SH3YL1: variants seen among roughly 807,000 people sequenced by gnomAD.
SH3YL1 encodes the protein SH3 domain-containing YSC84-like protein 1.
In SH3YL1, 41 loss-of-function variants were observed where a neutral mutation model predicts 45.8. The observed-to-expected ratio is 0.89, with a 90% CI of 0.70 to 1.16. SH3YL1 has a LOEUF of 1.16. Ranked by LOEUF, SH3YL1 falls within the 50% of genes most tolerant of loss-of-function variation. The pLI is 0.00. For synonymous variants in SH3YL1, 152 were observed against 151.4 expected (o/e 1.00, Z -0.03); for missense variants, 389 against 409.6 (o/e 0.95, Z 0.43).
At chr2:261,180 A>G (rs1669575263) in intron 1 of SH3YL1, 1 of 152,248 alleles carries the variant, frequency 6.6e-6, no homozygotes, top group Non-Finnish European at 1.5e-5. Flanking sequence ...ATAAGCCTCA[A>G]ATCCCATCCT....
chr2:259,073 C>T (rs1669479575), intron 1 of SH3YL1, among the ~76,000 whole-genome samples: 1 of 152,180 alleles, frequency 6.6e-6, no homozygotes, highest in African/African-American at 2.4e-5. Flanking sequence ...GGAAGTGCTC[C>T]AGGCAGAAAA....
chr2:236,959 G>A (rs1039120534), intron 4 of SH3YL1, among the ~76,000 whole-genome samples: 4 of 152,130 alleles, frequency 2.6e-5, no homozygotes, highest in African/African-American at 9.7e-5. Flanking sequence ...TCAGCTTGAC[G>A]CTTGCCAACT....
chr2:228,133 GGA>G lies in SH3YL1; in HGVS notation c.781+1831_781+1832del, dbSNP rs1317486619. 3.9e-5 allele frequency among the ~76,000 whole-genome samples: 6 copies of G among 152,312 alleles called. No homozygotes were observed. The South Asian group carries it at 6.2e-4, about 16-fold the overall frequency. On this transcript the variant is annotated intron_variant, in intron 8 of 9. Coordinates refer to ENST00000356150, the MANE Select transcript of SH3YL1 (RefSeq NM_015677.4). ...CCACAAAGGATGAAGCTGAAAAGGT[GGA>G]GGGAGGAGGAGTGTTCACGAGTGTG...
intron 4 of SH3YL1, chr2:242,785 G>C (rs563258785): frequency 6.5e-7 from 1 of 1,537,204 alleles, no homozygotes; most frequent in African/African-American, 1.4e-5. Context: ...ACACGCTTTA[G>C]ATTCAAAGTT....
rs1382618783 is a variant in SH3YL1 at position 218,788 on chromosome 2, CA to C, written c.*22del. 11 of 1,516,302 alleles carry C rather than the reference CA, an allele frequency of 7.3e-6. No individual in the cohort carries two copies. The highest frequency in any genetic ancestry group is 9.8e-6 in the Non-Finnish European group (11 of 1,126,782). 93.9% of individuals were successfully genotyped at this position (1,516,302 alleles called of 1,614,324 possible). A position where few individuals can be genotyped will look rare whatever the true frequency, so the allele number is the denominator to read the frequency against. On this transcript the variant is annotated 3_prime_UTR_variant, in exon 10 of 10. Coordinates refer to ENST00000356150, the MANE Select transcript of SH3YL1 (RefSeq NM_015677.4). ...GTAGAAATAATTTTTTTGTAATTCT[CA>C]AAGAAGAAAATAGTATACGCTTTAA...
intron 4 of SH3YL1, among the ~76,000 whole-genome samples, chr2:238,493 T>C (rs1668403979): frequency 6.6e-6 from 1 of 152,106 alleles, no homozygotes; most frequent in South Asian, 2.1e-4. Context: ...TTCAGTAAAG[T>C]GAAAGGGCCC....
chr2:258,077 C>G (rs1009156946), intron 1 of SH3YL1, among the ~76,000 whole-genome samples: 18 of 152,144 alleles, frequency 1.2e-4, no homozygotes, highest in Non-Finnish European at 1.5e-5. Context: ...AGTTTGAAGT[C>G]GGGTAGCATG....
chr2:232,659 T>C (rs1253405986), intron 6 of SH3YL1, among the ~76,000 whole-genome samples: 1 of 152,088 alleles, frequency 6.6e-6, no homozygotes, highest in Non-Finnish European at 1.5e-5. Flanking sequence ...GTTCTCATTG[T>C]TCAATTCCCA....
intron 1 of SH3YL1, chr2:256,109 C>T: frequency 6.6e-6 from 1 of 152,342 alleles, no homozygotes; most frequent in Non-Finnish European, 1.5e-5. Flanking sequence ...CAGGTTAGTG[C>T]CAATCTGATT....
At position 253,097 on chromosome 2, in the gene SH3YL1, G is replaced by C. The variant is rs1669144664; in HGVS notation, c.20C>G (p.Ser7Cys). ...CTTTTTTGCTTCTGATTTCAAATTGGAAGGTATAGGGTTATTCACTGAAAC... is the reference window on the plus strand; with the variant it reads ...CTTTTTTGCTTCTGATTTCAAATTGCAAGGTATAGGGTTATTCACTGAAAC... Reference protein sequence around the residue: MNNPIPSNLKSEAKKAA... With the variant: MNNPIPCNLKSEAKKAA... The change falls in exon 2 of 10, where the codon TCC becomes TGC. Residue 7 changes from serine (S) to cysteine (C), a missense_variant. Ser to Cys is a moderately radical substitution (Grantham distance 112). Transcript: ENST00000356150. 1.3e-6 allele frequency: 2 copies of C among 1,538,928 alleles called. No individual in the cohort carries two copies. Among genetic ancestry groups the C allele is most frequent in the Non-Finnish European group, 1.8e-6 (2 of 1,135,900 alleles).
At chr2:242,431 A>T (rs1668583721) in intron 4 of SH3YL1, among the ~76,000 whole-genome samples, 1 of 152,078 alleles carries the variant, frequency 6.6e-6, no homozygotes, top group Admixed American at 6.5e-5. Flanking sequence ...TTTGTATCTT[A>T]TTAAATCAAG....
At position 227,937 on chromosome 2, in the gene SH3YL1, C is replaced by T. The variant is rs192891948; in HGVS notation, c.781+2029G>A. Among the ~76,000 whole-genome samples, 46 of 152,054 alleles carry T rather than the reference C, an allele frequency of 3.0e-4. 1 individual carries two copies. The East Asian group carries it at 7.7e-3, about 26-fold the overall frequency. On this transcript the variant is annotated intron_variant, in intron 8 of 9. Coordinates refer to ENST00000356150, the MANE Select transcript of SH3YL1 (RefSeq NM_015677.4). The stretch of plus-strand genomic sequence containing the variant: ...AGGATATGTAAATAAATTGAAAATA[C>T]TTAGTTTTTAAATAAAGAACTTAAG...
intron 1 of SH3YL1, 137 bp downstream of exon 1, chr2:263,847 G>C: frequency 4.3e-6 from 3 of 691,580 alleles, no homozygotes; most frequent in Non-Finnish European, 5.1e-6. Context: ...TCTTAACTTT[G>C]GGCGGTTTGC....
At chr2:245,359 T>A (rs1668751666) in intron 4 of SH3YL1, among the ~76,000 whole-genome samples, 1 of 152,186 alleles carries the variant, frequency 6.6e-6, no homozygotes, top group Non-Finnish European at 1.5e-5. Flanking sequence ...ATAGTTAATT[T>A]CCATACTGTC....
intron 8 of SH3YL1, among the ~76,000 whole-genome samples, chr2:229,210 G>T (rs542678811): frequency 6.6e-6 from 1 of 152,026 alleles, no homozygotes; most frequent in Admixed American, 6.6e-5. Context: ...ACCAAAACCT[G>T]GTGCTTTATA....
chr2:242,754 C>A, intron 4 of SH3YL1: 1 of 1,476,072 alleles, frequency 6.8e-7, no homozygotes, highest in Non-Finnish European at 9.0e-7. Context: ...CAACAACATC[C>A]AATTATATGC....
At chr2:254,023 T>C (rs931569687) in intron 1 of SH3YL1, among the ~76,000 whole-genome samples, 4 of 152,218 alleles carry the variant, frequency 2.6e-5, no homozygotes, top group Non-Finnish European at 4.4e-5. Flanking sequence ...CTCCCTGTTA[T>C]GTATCTTCTT....
intron 9 of SH3YL1, among the ~76,000 whole-genome samples, chr2:221,076 G>A (rs1667552822): frequency 6.6e-6 from 1 of 152,020 alleles, no homozygotes; most frequent in Non-Finnish European, 1.5e-5. Context: ...ACTGCAATGA[G>A]CCAGCTACTC....
At chr2:238,631 T>C (rs1219182748) in intron 4 of SH3YL1, among the ~76,000 whole-genome samples, 2 of 152,190 alleles carry the variant, frequency 1.3e-5, no homozygotes, top group Non-Finnish European at 1.5e-5. Context: ...CAAAGGACTG[T>C]ACATGTCCAA....
Sources: gnomAD v4.1 joint callset for allele counts (sites outside exome capture counted in the v4.1 genomes callset) on GRCh38, gnomAD v4.1.1 for gene constraint, MANE v1.5 for transcripts, NCBI Gene and HGNC (gene_info 2026-07-23, HGNC 2026-07-21) for gene names.